Variants in ANAPC11 observed in about 807,000 individuals in gnomAD.
ANAPC11 encodes anaphase-promoting complex subunit 11.
Under a neutral mutation model 11.8 loss-of-function variants are expected in ANAPC11, and 5 were observed. The ratio of observed to expected loss-of-function variants is 0.42; its 90% confidence interval spans 0.22 to 0.89. The LOEUF is 0.89. Ranked by LOEUF, ANAPC11 falls within the 40% of genes least tolerant of loss-of-function variation. The probability of loss-of-function intolerance (pLI) is 0.28; values close to 1 mark genes in which losing one functional copy is unlikely to be tolerated. For missense variants in ANAPC11, 68 were observed against 112.9 expected, an observed-to-expected ratio of 0.60 and a Z score of 1.80; for synonymous variants, 45 against 41.0, an observed-to-expected ratio of 1.10 and a Z score of -0.38.
rs112154648 is a variant in ANAPC11, at chr17:81,891,785, G to A, written c.-131G>A. The A allele has an allele frequency of 3.1e-5, 9 of 291,310 alleles. No individual in the cohort carries two copies. The highest frequency in any genetic ancestry group is 3.7e-5 in the Non-Finnish European group (6 of 163,192). The allele number at this position is 291,310 out of a possible 1,614,324, so 18.0% of individuals were successfully genotyped here. On this transcript the variant is annotated 5_prime_UTR_variant, in exon 1 of 4. Transcript: ENST00000344877. ...AGGGAGTCGGGCCGCGACTGTGGTC[G>A]TTTTTATACCTTCCCGCGCGGACGC...
At chr17:81,897,322 AG>A (rs1241885138) in intron 3 of ANAPC11, among the ~76,000 whole-genome samples, 1 of 152,006 alleles carries the variant, frequency 6.6e-6, no homozygotes, top group Non-Finnish European at 1.5e-5. Context: ...TAGCAGAGAC[AG>A]GGTTTCACCA....
Position 81,900,248 on chromosome 17 carries a change from A to T in ANAPC11, c.*183A>T. On this transcript the variant is annotated 3_prime_UTR_variant, in exon 4 of 4. Coordinates refer to ENST00000344877, the MANE Select transcript of ANAPC11 (RefSeq NM_001002248.3). ...TAAGTGAAAACTCATTAAACTACTC[A>T]AATCTTGCTGGAGGCCTCTGGGTGC... The T allele has an allele frequency of 7.2e-6, 7 of 972,678 alleles. No individual in the cohort carries two copies. The highest frequency in any genetic ancestry group is 1.0e-5 in the Non-Finnish European group (7 of 674,156). 60.3% of individuals were successfully genotyped at this position (972,678 alleles called of 1,614,324 possible).
chr17:81,894,319 T>A, intron 2 of ANAPC11, 148 bp from the exon 3 acceptor site: 2 of 412,752 alleles, frequency 4.8e-6, no homozygotes, highest in Non-Finnish European at 8.6e-6. Flanking sequence ...CCAGGCTGGG[T>A]TCGGACTCCT....
chr17:81,899,552 T>C (rs2039867207), intron 3 of ANAPC11: 19 of 1,609,596 alleles, frequency 1.2e-5, no homozygotes, highest in Non-Finnish European at 1.5e-5. Flanking sequence ...GGTCAGACAT[T>C]GCCCTTTTTC....
At chr17:81,899,300 T>C (rs763214101) in intron 3 of ANAPC11, 23 of 1,613,220 alleles carry the variant, frequency 1.4e-5, no homozygotes, top group Admixed American at 8.3e-5. Context: ...AGCCTGTGCC[T>C]GTCCTGGGAG....
upstream of ANAPC11, chr17:81,890,839 C>G: frequency 6.2e-7 from 1 of 1,614,068 alleles, no homozygotes; most frequent in Non-Finnish European, 8.5e-7. Context: ...AAAACCGCAA[C>G]AAGAGCAGAT....
At chr17:81,899,464 C>G (rs769963517) in intron 3 of ANAPC11, 1 of 1,614,026 alleles carries the variant, frequency 6.2e-7, no homozygotes, top group Non-Finnish European at 8.5e-7. Context: ...AGATGCACGT[C>G]TCCTTGGTGC....
upstream of ANAPC11, chr17:81,891,288 T>TC: frequency 9.1e-7 from 1 of 1,101,728 alleles, no homozygotes; most frequent in Non-Finnish European, 1.1e-6. Flanking sequence ...GCTGGCCCCC[T>TC]CCCACTCTCC....
At chr17:81,897,482 A>AT (rs913461278) in intron 3 of ANAPC11, among the ~76,000 whole-genome samples, 148 of 145,944 alleles carry the variant, frequency 1.0e-3, no homozygotes, top group East Asian at 4.5e-3. Flanking sequence ...TCTTAGTACA[A>AT]TTTTTTTTTT....
rs1185598296 is a variant in ANAPC11, at chr17:81,900,168, A to G, written c.*103A>G. 2 of 1,532,556 alleles carry G rather than the reference A, an allele frequency of 1.3e-6. No individual in the cohort carries two copies. Among genetic ancestry groups the G allele is most frequent in the East Asian group, 4.7e-5 (2 of 42,534 alleles). The allele number at this position is 1,532,556 out of a possible 1,614,324, so 94.9% of individuals were successfully genotyped here. A position where few individuals can be genotyped will look rare whatever the true frequency, so the allele number is the denominator to read the frequency against. ...GCCCCTGAGCTGCAACAAGGTGGAA[A>G]CAAGGGCTGGAGCTGCGTTTGTTTT... On this transcript the variant is annotated 3_prime_UTR_variant, in exon 4 of 4. Coordinates refer to ENST00000344877, the MANE Select transcript of ANAPC11 (RefSeq NM_001002248.3).
intron 3 of ANAPC11, chr17:81,899,223 G>C: frequency 6.2e-7 from 1 of 1,607,076 alleles, no homozygotes; most frequent in South Asian, 1.1e-5. Context: ...GCTGATACAA[G>C]CATCCCTCTC....
chr17:81,891,060 C>T, upstream of ANAPC11: 2 of 685,792 alleles, frequency 2.9e-6, no homozygotes, highest in Non-Finnish European at 4.7e-6. Context: ...GCCCAGCGTC[C>T]CCTCCTCTCC....
intron 3 of ANAPC11, among the ~76,000 whole-genome samples, chr17:81,896,546 T>C (rs2039749492): frequency 6.6e-6 from 1 of 152,204 alleles, no homozygotes; most frequent in African/African-American, 2.4e-5. Context: ...GTCAAGGTTT[T>C]GCCCAGGGAG....
At chr17:81,899,599 G>T (rs1429362531) in intron 3 of ANAPC11, 5 of 1,548,890 alleles carry the variant, frequency 3.2e-6, no homozygotes, top group Non-Finnish European at 4.4e-6. Context: ...GGTGGGCTAG[G>T]CCAGAGCGCC....
intron 3 of ANAPC11, among the ~76,000 whole-genome samples, chr17:81,897,755 A>G (rs981801705): frequency 3.9e-5 from 6 of 152,158 alleles, no homozygotes; most frequent in African/African-American, 1.4e-4. Context: ...AAGTGCTGGG[A>G]TTACAGACGT....
chr17:81,890,901 T>C, upstream of ANAPC11: 1 of 1,586,212 alleles, frequency 6.3e-7, no homozygotes, highest in Non-Finnish European at 8.6e-7. Flanking sequence ...CTCCGGACCC[T>C]TCCTCTTCCC....
Position 81,894,085 on chromosome 17 carries a change from C to T in ANAPC11, c.-11-382C>T, listed in dbSNP as rs562020968. ...TTGAGGCCAGGAGTTCAAGACCAGCCTGGCCTACATGGTGAAACCTCGACT... is the reference window on the plus strand; with the variant it reads ...TTGAGGCCAGGAGTTCAAGACCAGCTTGGCCTACATGGTGAAACCTCGACT... On this transcript the variant is annotated intron_variant, in intron 2 of 3. Transcript: ENST00000344877. Among the ~76,000 whole-genome samples, 12 of 151,754 alleles carry T rather than the reference C, an allele frequency of 7.9e-5. No homozygotes were observed. In the South Asian group the frequency reaches 2.3e-3, roughly 29 times the overall value.
intron 3 of ANAPC11, among the ~76,000 whole-genome samples, chr17:81,895,996 G>A (rs935208532): frequency 6.6e-6 from 1 of 152,004 alleles, no homozygotes; most frequent in African/African-American, 2.4e-5. Context: ...AAAATTGAAT[G>A]GCATAGGCCA....
chr17:81,896,792 C>T (rs1352015652), intron 3 of ANAPC11, among the ~76,000 whole-genome samples: 1 of 145,992 alleles, frequency 6.8e-6, no homozygotes, highest in Non-Finnish European at 1.5e-5. Context: ...TCATCTGCCT[C>T]CTTTGCTTTT....
Sources: gnomAD v4.1 joint callset for allele counts (sites outside exome capture counted in the v4.1 genomes callset) on GRCh38, gnomAD v4.1.1 for gene constraint, MANE v1.5 for transcripts, NCBI Gene and HGNC (gene_info 2026-07-23, HGNC 2026-07-21) for gene names.